Variants in HSPA4L observed in about 807,000 individuals in gnomAD.
HSPA4L encodes the protein heat shock protein family A (Hsp70) member 4 like, also known as heat shock 70 kDa protein 4L.
Under a neutral mutation model 100.3 loss-of-function variants are expected in HSPA4L, and 48 were observed. The ratio of observed to expected loss-of-function variants is 0.48; its 90% CI spans 0.38 to 0.61. HSPA4L has a LOEUF of 0.61. Among genes scored for constraint, HSPA4L ranks in the 20% least tolerant of loss-of-function variants. The pLI is 0.00. For missense variants in HSPA4L, 886 were observed against 988.6 expected (o/e 0.90, Z 1.39); for synonymous variants, 319 against 328.2 (o/e 0.97, Z 0.30).
rs1185346787 is a variant in HSPA4L, at chr4:127,835,132, T to C, written c.*2258T>C. Reference sequence around the variant, plus strand: ...TTTTAATCTGCATTAAAATATGCAATGCTAGACAAAGATTTTCAAAATAAA... The same window carrying C: ...TTTTAATCTGCATTAAAATATGCAACGCTAGACAAAGATTTTCAAAATAAA... On this transcript the variant is annotated 3_prime_UTR_variant, in exon 19 of 19. Coordinates refer to ENST00000296464, the MANE Select transcript of HSPA4L (RefSeq NM_014278.4). The C allele has an allele frequency of 6.6e-6, 1 of 152,176 alleles. No individual in the cohort carries two copies. Among genetic ancestry groups the C allele is most frequent in the African/African-American group, 2.4e-5 (1 of 41,454 alleles). 9.4% of individuals were successfully genotyped at this position (152,176 alleles called of 1,614,324 possible).
intron 17 of HSPA4L, 122 bp downstream of exon 17, chr4:127,827,546 T>C: frequency 8.7e-7 from 1 of 1,154,984 alleles, no homozygotes. Context: ...CCAGAGACTT[T>C]GTGTACCAAA....
intron 18 of HSPA4L, among the ~76,000 whole-genome samples, chr4:127,831,597 A>G (rs1734084732): frequency 6.6e-6 from 1 of 151,920 alleles, no homozygotes; most frequent in Non-Finnish European, 1.5e-5. Context: ...CTATGCAGCC[A>G]TTAAATATAG....
chr4:127,822,975 A>T (rs765375501), intron 15 of HSPA4L, 81 bp downstream of exon 15: 15 of 1,347,740 alleles, frequency 1.1e-5, no homozygotes, highest in Non-Finnish European at 1.5e-5. Flanking sequence ...ACATAAATAA[A>T]TGTACCAAAT....
At chr4:127,825,782 C>T (rs1421369974) in intron 16 of HSPA4L, among the ~76,000 whole-genome samples, 4 of 151,808 alleles carry the variant, frequency 2.6e-5, no homozygotes, top group East Asian at 1.9e-4. Flanking sequence ...AAAAATTAGC[C>T]GGGCATGGTG....
intron 14 of HSPA4L, among the ~76,000 whole-genome samples, chr4:127,821,776 T>C (rs149687547): frequency 7.9e-5 from 12 of 152,270 alleles, no homozygotes; most frequent in Non-Finnish European, 1.3e-4. Flanking sequence ...TTTACATGAA[T>C]TATCTCAACC....
intron 17 of HSPA4L, among the ~76,000 whole-genome samples, chr4:127,829,849 TG>T (rs1734036365): frequency 6.6e-6 from 1 of 151,744 alleles, no homozygotes; most frequent in African/African-American, 2.4e-5. Flanking sequence ...AAGTGATCCA[TG>T]ACATAGGAAG....
rs746346333 is a variant in HSPA4L at position 127,832,828 on chromosome 4, A to G, written c.2474A>G (p.Asp825Gly). 10 of 1,612,824 alleles carry G rather than the reference A, an allele frequency of 6.2e-6. No homozygotes were observed. The East Asian group carries it at 1.3e-4, about 22-fold the overall frequency. Reference protein sequence around the residue: ...GTETKSDSTKDSSQHTKSSGE... With the variant: ...GTETKSDSTKGSSQHTKSSGE... ...GAAACTAAATCAGATTCAACAAAAG[A>G]CAGCTCACAGCATACTAAATCCTCT... Residue 825 changes from aspartate (D) to glycine (G), a missense_variant, in exon 19 of 19, where the codon GAC (aspartate) becomes GGC (glycine). Transcript: ENST00000296464.
Position 127,834,505 on chromosome 4 carries a change from T to C in HSPA4L, c.*1631T>C, listed in dbSNP as rs1193916327. Reference sequence around the variant, plus strand: ...TCTTTTGAGGGGAAGAATCTCTTTTTTGCATTAAAAAATCATATAAACTTA... The same window carrying C: ...TCTTTTGAGGGGAAGAATCTCTTTTCTGCATTAAAAAATCATATAAACTTA... On this transcript the variant is annotated 3_prime_UTR_variant, in exon 19 of 19. Transcript: ENST00000296464. 1 of 152,180 alleles carries C rather than the reference T, an allele frequency of 6.6e-6. No individual in the cohort carries two copies. Among genetic ancestry groups the C allele is most frequent in the Non-Finnish European group, 1.5e-5 (1 of 68,012 alleles). The allele number at this position is 152,180 out of a possible 1,614,324, so 9.4% of individuals were successfully genotyped here. A position where few individuals can be genotyped will look rare whatever the true frequency, so the allele number is the denominator to read the frequency against.
At chr4:127,785,802 A>G (rs940813107) in intron 1 of HSPA4L, among the ~76,000 whole-genome samples, 1 of 152,210 alleles carries the variant, frequency 6.6e-6, no homozygotes, top group Non-Finnish European at 1.5e-5. Context: ...TAGTGTCTGT[A>G]TAATCATGAT....
intron 1 of HSPA4L, among the ~76,000 whole-genome samples, chr4:127,793,603 C>A (rs1732935240): frequency 6.6e-6 from 1 of 152,162 alleles, no homozygotes; most frequent in African/African-American, 2.4e-5. Context: ...TTGTTCAAAG[C>A]ATTTACCTAT....
At chr4:127,791,870 A>C (rs1302666945) in intron 1 of HSPA4L, among the ~76,000 whole-genome samples, 1 of 152,154 alleles carries the variant, frequency 6.6e-6, no homozygotes, top group Non-Finnish European at 1.5e-5. Context: ...CACCTAGTTT[A>C]CTTTCTTTTG....
Position 127,794,030 on chromosome 4 carries a change from A to G in HSPA4L, c.108-47A>G, listed in dbSNP as rs113232412. On this transcript the variant is annotated intron_variant, in intron 1 of 18. Coordinates refer to ENST00000296464, the MANE Select transcript of HSPA4L (RefSeq NM_014278.4). ...TAAGGAGAAGCAAAATAATAGCACAATAATATAAAAGTACCATGGAACAAA... is the reference window on the plus strand; with the variant it reads ...TAAGGAGAAGCAAAATAATAGCACAGTAATATAAAAGTACCATGGAACAAA... 671 of 1,368,518 alleles carry G rather than the reference A, an allele frequency of 4.9e-4. 3 individuals are homozygous for G. In the African/African-American group the frequency reaches 8.4e-3, roughly 17 times the overall value. The allele number at this position is 1,368,518 out of a possible 1,614,324, so 84.8% of individuals were successfully genotyped here.
In HSPA4L at chr4:127,809,375, T is replaced by A. The variant is rs1733462420; in HGVS notation, c.1378+1246T>A. On this transcript the variant is annotated intron_variant, in intron 11 of 18. Transcript: ENST00000296464. ...ATATTGCAGCCCAGCAGAAGGCAGCTTTGCAGCATGCTCATGCACATTCAT... is the reference window on the plus strand; with the variant it reads ...ATATTGCAGCCCAGCAGAAGGCAGCATTGCAGCATGCTCATGCACATTCAT... 3.3e-6 allele frequency: 4 copies of A among 1,206,784 alleles called. No homozygotes were observed. The Admixed American group carries it at 5.1e-5, about 15-fold the overall frequency. 74.8% of individuals were successfully genotyped at this position (1,206,784 alleles called of 1,614,324 possible). A position where few individuals can be genotyped will look rare whatever the true frequency, so the allele number is the denominator to read the frequency against.
At chr4:127,823,700 T>C in intron 16 of HSPA4L, 76 bp downstream of exon 16, 3 of 797,898 alleles carry the variant, frequency 3.8e-6, no homozygotes, top group Non-Finnish European at 6.1e-6. Flanking sequence ...GCACAGTTTA[T>C]GTTCTATTAA....
At position 127,803,750 on chromosome 4, in the gene HSPA4L, C is replaced by A. The variant is rs1167608799; in HGVS notation, c.785C>A (p.Ala262Asp). The change falls in exon 7 of 19, where the codon GCC becomes GAC. Residue 262 changes from alanine (A) to aspartate (D), a missense_variant. Ala to Asp is a moderately radical substitution (Grantham distance 126). Coordinates refer to ENST00000296464, the MANE Select transcript of HSPA4L (RefSeq NM_014278.4). ...ATAAATGTGAAAGAAAACTCTCGGGCCTTGTTGCGTTTATATCAGGAATGT... is the reference window on the plus strand; with the variant it reads ...ATAAATGTGAAAGAAAACTCTCGGGACTTGTTGCGTTTATATCAGGAATGT... Reference protein sequence around the residue: ...YKINVKENSRALLRLYQECEK... With the variant: ...YKINVKENSRDLLRLYQECEK... 6.2e-7 allele frequency: 1 copy of A among 1,613,844 alleles called. No homozygotes were observed. Among genetic ancestry groups the A allele is most frequent in the Non-Finnish European group, 8.5e-7 (1 of 1,179,934 alleles).
Position 127,827,330 on chromosome 4 carries a change from A to C in HSPA4L, c.2072A>C (p.Lys691Thr). 6.2e-7 allele frequency: 1 copy of C among 1,613,160 alleles called. No homozygotes were observed. Among genetic ancestry groups the C allele is most frequent in the Middle Eastern group, 1.7e-4 (1 of 6,056 alleles). The change falls in exon 17 of 19, where the codon AAG (lysine) becomes ACG (threonine). Residue 691 changes from lysine (K) to threonine (T), a missense_variant. Lys to Thr is a moderately conservative substitution (Grantham distance 78). Transcript: ENST00000296464. ...AAATACGGCCAGCCTATTCAAATGA[A>C]GTACATGGAGCATGAAGAGAGACCA... is the stretch of plus-strand genomic sequence containing the variant. ...LKKYGQPIQM[K>T]YMEHEERPKA...
At position 127,837,593 on chromosome 4, in the gene HSPA4L, AAC is replaced by A. The variant is rs1447966435; in HGVS notation, c.*4721_*4722del. The A allele has an allele frequency of 1.3e-5, 2 of 152,230 alleles. No homozygotes were observed. The highest frequency in any genetic ancestry group is 3.8e-4 in the East Asian group (2 of 5,198). 9.4% of individuals were successfully genotyped at this position (152,230 alleles called of 1,614,324 possible). On this transcript the variant is annotated 3_prime_UTR_variant, in exon 19 of 19. Transcript: ENST00000296464. ...TTTTATCAAAAAAGATGGCAGGTTT[AAC>A]ATTATACCTTTTGGTTTTTGCCCAA...
intron 11 of HSPA4L, chr4:127,809,317 A>C: frequency 8.4e-7 from 1 of 1,188,496 alleles, no homozygotes. Context: ...CCCTGTCTTA[A>C]TAAGGACTTC....
At chr4:127,793,200 C>CT (rs939535313) in intron 1 of HSPA4L, among the ~76,000 whole-genome samples, 24 of 152,294 alleles carry the variant, frequency 1.6e-4, no homozygotes, top group African/African-American at 5.8e-4. Flanking sequence ...TCAGGAATGT[C>CT]TATTTCTGCA....
Sources: gnomAD v4.1 joint callset for allele counts (sites outside exome capture counted in the v4.1 genomes callset) on GRCh38, gnomAD v4.1.1 for gene constraint, MANE v1.5 for transcripts, NCBI Gene and HGNC (gene_info 2026-07-23, HGNC 2026-07-21) for gene names.